MAFF: variants seen among roughly 807,000 people sequenced by gnomAD.
MAFF encodes the protein MAF bZIP transcription factor F.
MAFF carries 4 observed loss-of-function variants against 2.7 expected under a neutral mutation model. That is an observed-to-expected ratio of 1.48 (90% confidence interval 0.73 to 3.39). The LOEUF (loss-of-function observed/expected upper bound fraction) is 3.39. Among genes scored for constraint, MAFF ranks in the 30% most tolerant of loss-of-function variants. The probability of loss-of-function intolerance (pLI) is 0.01; values close to 1 mark genes in which losing one functional copy is unlikely to be tolerated. For synonymous variants in MAFF, 113 were observed against 119.4 expected, an observed-to-expected ratio of 0.95 and a Z score of 0.35; for missense variants, 190 against 246.6, an observed-to-expected ratio of 0.77 and a Z score of 1.54.
intron 1 of MAFF, among the ~76,000 whole-genome samples, chr22:38,206,336 C>A (rs2146012061): frequency 8.3e-6 from 1 of 119,804 alleles, no homozygotes; most frequent in African/African-American, 3.2e-5. Context: ...CTTGCCTATG[C>A]CTCCTTTTTT....
Position 38,214,509 on chromosome 22 carries a change from C to T in MAFF, c.126C>T (p.Arg42=). The change falls in exon 3 of 3, where the codon CGC becomes CGT. Residue 42 remains arginine, a synonymous_variant. Coordinates refer to ENST00000338483, the MANE Select transcript of MAFF (RefSeq NM_012323.4). The surrounding 1 kb of genome is among the most constrained non-coding windows in gnomAD (Gnocchi z 6.3). Reference sequence around the variant, plus strand: ...TGCGCGAGCTGAACCGGCATCTGCGCGGGCTCTCCGCCGAGGAGGTGACAC... The same window carrying T: ...TGCGCGAGCTGAACCGGCATCTGCGTGGGCTCTCCGCCGAGGAGGTGACAC... The part of the protein sequence containing the change: ...LSVRELNRHL[R]GLSAEEVTRL... The T allele has an allele frequency of 6.2e-7, 1 of 1,610,536 alleles. No homozygotes were observed. The highest frequency in any genetic ancestry group is 8.5e-7 in the Non-Finnish European group (1 of 1,179,660).
rs1312623243 is a variant in MAFF, at chr22:38,214,855, C to G, written c.472C>G (p.His158Asp). 1 of 1,508,100 alleles carries G rather than the reference C, an allele frequency of 6.6e-7. No homozygotes were observed. Among genetic ancestry groups the G allele is most frequent in the South Asian group, 1.2e-5 (1 of 80,708 alleles). 93.4% of individuals were successfully genotyped at this position (1,508,100 alleles called of 1,614,324 possible). A position where few individuals can be genotyped will look rare whatever the true frequency, so the allele number is the denominator to read the frequency against. ...CCCCGCCCACGGCCCGGACCCCGCC[C>G]ACGGCCCGGCCTCCTGCTCCTAGTG... ...SGPAHGPDPA[H>D]GPASCS The change falls in exon 3 of 3, where the codon CAC (histidine) becomes GAC (aspartate). Residue 158 changes from histidine (H) to aspartate (D), a missense_variant. Coordinates refer to ENST00000338483, the MANE Select transcript of MAFF (RefSeq NM_012323.4). This position sits in a 1 kb window ranked among gnomAD's most constrained non-coding sequence, Gnocchi z 6.3.
intron 1 of MAFF, chr22:38,213,601 C>G (rs771226062): frequency 4.3e-5 from 28 of 647,386 alleles, no homozygotes; most frequent in Non-Finnish European, 6.9e-5. Flanking sequence ...TGAGGAGTCA[C>G]CATGGGGCTA....
rs994193711 is a variant in MAFF, at chr22:38,215,180, T to G, written c.*302T>G. 3.2e-5 allele frequency: 11 copies of G among 342,458 alleles called. No individual in the cohort carries two copies. Among genetic ancestry groups the G allele is most frequent in the Non-Finnish European group, 5.6e-6 (1 of 177,682 alleles). The allele number at this position is 342,458 out of a possible 1,614,324, so 21.2% of individuals were successfully genotyped here. On this transcript the variant is annotated 3_prime_UTR_variant, in exon 3 of 3. Transcript: ENST00000338483. ...ACAGAGCCGGCTTAGAGAACAGCTG[T>G]TGGGGGAGAAGAGGGCACCCCTCAT...
chr22:38,206,423 C>A (rs1397490352), intron 1 of MAFF, among the ~76,000 whole-genome samples: 1 of 150,352 alleles, frequency 6.7e-6, no homozygotes, highest in Non-Finnish European at 1.5e-5. Flanking sequence ...CTCACTGAAA[C>A]CTCCACCTCC....
At chr22:38,204,914 G>C (rs2091040447) in intron 1 of MAFF, among the ~76,000 whole-genome samples, 1 of 152,090 alleles carries the variant, frequency 6.6e-6, no homozygotes, top group Non-Finnish European at 1.5e-5. Context: ...TCCTCTGACA[G>C]CTCTTGGGGG....
intron 1 of MAFF, among the ~76,000 whole-genome samples, chr22:38,209,773 C>A (rs534269337): frequency 9.0e-4 from 115 of 127,950 alleles, no homozygotes; most frequent in African/African-American, 3.3e-3. Context: ...GAGATCCTGT[C>A]ACTGCACTCC....
At chr22:38,204,542 A>C (rs1248424497) in intron 1 of MAFF, among the ~76,000 whole-genome samples, 1 of 152,126 alleles carries the variant, frequency 6.6e-6, no homozygotes, top group Non-Finnish European at 1.5e-5. Context: ...CTGCCCTCTA[A>C]GAGCTCCACA....
chr22:38,212,839 CT>C (rs1317744665), intron 1 of MAFF, among the ~76,000 whole-genome samples: 2 of 152,122 alleles, frequency 1.3e-5, no homozygotes, highest in East Asian at 3.9e-4. Context: ...GCTGTGTGTA[CT>C]TTTCTGTATG....
chr22:38,214,967 AT>A lies in MAFF; in HGVS notation c.*92del. On this transcript the variant is annotated 3_prime_UTR_variant, in exon 3 of 3. Transcript: ENST00000338483. The surrounding 1 kb of genome is among the most constrained non-coding windows in gnomAD (Gnocchi z 6.3). ...AGCGCCGCCTCTGTGCCCAGGTCCC[AT>A]TTCTCTGCAGCACTGGCCCCTTGGT... is the stretch of plus-strand genomic sequence containing the variant. The A allele has an allele frequency of 1.0e-6, 1 of 973,878 alleles. No individual in the cohort carries two copies. Among genetic ancestry groups the A allele is most frequent in the East Asian group, 3.1e-5 (1 of 32,530 alleles). The allele number at this position is 973,878 out of a possible 1,614,324, so 60.3% of individuals were successfully genotyped here. A position where few individuals can be genotyped will look rare whatever the true frequency, so the allele number is the denominator to read the frequency against.
At chr22:38,213,609 C>T (rs1399568573) in intron 1 of MAFF, 2 of 657,822 alleles carry the variant, frequency 3.0e-6, no homozygotes, top group Admixed American at 4.1e-5. Flanking sequence ...CACCATGGGG[C>T]TAGAACAGTA....
chr22:38,209,922 A>G (rs1342410337), intron 1 of MAFF, among the ~76,000 whole-genome samples: 1 of 151,666 alleles, frequency 6.6e-6, no homozygotes, highest in Non-Finnish European at 1.5e-5. Context: ...AGGTCAGGGT[A>G]GCCAGCAGAT....
intron 1 of MAFF, among the ~76,000 whole-genome samples, chr22:38,210,663 C>CGTGT (rs1373349618): frequency 1.8e-4 from 7 of 38,030 alleles, no homozygotes; most frequent in East Asian, 1.4e-3. Context: ...TGTGTGTGTC[C>CGTGT]GTGTGTGTAT....
intron 1 of MAFF, among the ~76,000 whole-genome samples, chr22:38,209,839 A>G (rs1187492939): frequency 9.1e-5 from 13 of 142,330 alleles, no homozygotes; most frequent in Middle Eastern, 3.5e-3. Flanking sequence ...AAAAAAAGGG[A>G]AAAAAAAAAG....
At chr22:38,206,461 C>T (rs1262161826) in intron 1 of MAFF, among the ~76,000 whole-genome samples, 3 of 151,542 alleles carry the variant, frequency 2.0e-5, no homozygotes, top group Admixed American at 2.0e-4. Context: ...TCTGCCTCAG[C>T]CTCCCAAGTA....
intron 1 of MAFF, among the ~76,000 whole-genome samples, chr22:38,206,516 ATT>A (rs10551302): frequency 0.44 from 65,296 of 148,484 alleles, 15,991 homozygotes; most frequent in Non-Finnish European, 0.55. Context: ...TAATTTTTGC[ATT>A]TTTTTTTTTC....
At chr22:38,211,900 T>A (rs2091104206) in intron 1 of MAFF, among the ~76,000 whole-genome samples, 1 of 152,246 alleles carries the variant, frequency 6.6e-6, no homozygotes, top group Non-Finnish European at 1.5e-5. Context: ...CCCTCTGCTG[T>A]CCACAAAACT....
rs2091145313 is a variant in MAFF, at chr22:38,215,864, C to T, written c.*986C>T. 6.0e-6 allele frequency: 1 copy of T among 167,154 alleles called. No homozygotes were observed. Among genetic ancestry groups the T allele is most frequent in the Non-Finnish European group, 1.5e-5 (1 of 68,188 alleles). 10.4% of individuals were successfully genotyped at this position (167,154 alleles called of 1,614,324 possible). ...GACCCCTGCCTTTGATTGTCATTCT[C>T]CTGGGAAGCCCAGTCTCAGTCCCTC... On this transcript the variant is annotated 3_prime_UTR_variant, in exon 3 of 3. Coordinates refer to ENST00000338483, the MANE Select transcript of MAFF (RefSeq NM_012323.4).
intron 1 of MAFF, chr22:38,204,079 G>A (rs2091034842): frequency 6.6e-6 from 1 of 152,200 alleles, no homozygotes; most frequent in South Asian, 2.1e-4. Flanking sequence ...GTCCCAGATG[G>A]AAAGTTAGCA....
Sources: gnomAD v4.1 joint callset for allele counts (sites outside exome capture counted in the v4.1 genomes callset) on GRCh38, gnomAD v4.1.1 for gene constraint, Gnocchi (gnomAD v3.1) non-coding constraint, MANE v1.5 for transcripts, NCBI Gene and HGNC (gene_info 2026-07-23, HGNC 2026-07-21) for gene names.